Variants in ADGB observed in about 807,000 individuals in gnomAD.
The protein encoded by ADGB is calpain-7-like protein.
A neutral mutation model predicts 210.5 loss-of-function variants in ADGB; 172 were observed. The ratio of observed to expected loss-of-function variants is 0.82; its 90% CI spans 0.72 to 0.93. The LOEUF (loss-of-function observed/expected upper bound fraction) is 0.93. Among genes scored for constraint, ADGB ranks in the 40% least tolerant of loss-of-function variants. ADGB has a pLI of 0.00. For synonymous variants in ADGB, 658 were observed against 662.7 expected, an observed-to-expected ratio of 0.99 and a Z score of 0.11; for missense variants, 2,025 against 1,964.8, an observed-to-expected ratio of 1.03 and a Z score of -0.58.
In ADGB at chr6:146,603,013, G is replaced by C. The variant is rs866055017; in HGVS notation, c.74+3899G>C. 7.2e-5 allele frequency among the ~76,000 whole-genome samples: 11 copies of C among 152,220 alleles called. No homozygotes were observed. The South Asian group carries it at 1.2e-3, about 17-fold the overall frequency. On this transcript the variant is annotated intron_variant, in intron 1 of 35. Coordinates refer to ENST00000397944, the MANE Select transcript of ADGB (RefSeq NM_024694.4). ...TATCCTCACATGCTAGAGAGAGAAG[G>C]CTAGTTAGTTCTGTTACTTTTCTTA...
chr6:146,715,323 G>T, intron 13 of ADGB, 59 bp from the exon 14 acceptor site: 1 of 1,309,972 alleles, frequency 7.6e-7, no homozygotes, highest in Non-Finnish European at 1.1e-6. Flanking sequence ...AGTAACTTTG[G>T]TGCTTTGGAT....
chr6:146,724,107 T>G (rs1776860411), intron 17 of ADGB, 79 bp from the exon 18 acceptor site: 2 of 1,147,876 alleles, frequency 1.7e-6, no homozygotes, highest in South Asian at 3.5e-5. Flanking sequence ...TGTTGTTACT[T>G]AATAAAAAAA....
intron 29 of ADGB, among the ~76,000 whole-genome samples, chr6:146,773,273 T>A (rs1237946426): frequency 8.3e-6 from 1 of 120,278 alleles, no homozygotes; most frequent in Admixed American, 1.0e-4. Flanking sequence ...AGAAAAGGCA[T>A]ACATAGAGAA....
intron 26 of ADGB, among the ~76,000 whole-genome samples, chr6:146,746,313 A>G (rs945878704): frequency 6.6e-6 from 1 of 152,078 alleles, no homozygotes; most frequent in Non-Finnish European, 1.5e-5. Flanking sequence ...TGGTAGTGAG[A>G]TTTCCCTAAG....
At chr6:146,767,541 T>C (rs1314519385) in intron 28 of ADGB, among the ~76,000 whole-genome samples, 1 of 152,216 alleles carries the variant, frequency 6.6e-6, no homozygotes, top group Admixed American at 6.5e-5. Context: ...TGATCTCAGC[T>C]CACTGCAATC....
intron 1 of ADGB, among the ~76,000 whole-genome samples, chr6:146,634,429 G>C (rs574310030): frequency 6.6e-6 from 1 of 152,130 alleles, no homozygotes; most frequent in South Asian, 2.1e-4. Context: ...AGAGATTTTA[G>C]TCTGTTTTTT....
At chr6:146,674,662 C>T (rs77592785) in intron 8 of ADGB, among the ~76,000 whole-genome samples, 28 of 152,232 alleles carry the variant, frequency 1.8e-4, no homozygotes, top group Middle Eastern at 3.4e-3. Flanking sequence ...TAGATTCTCA[C>T]GGAGATTTAA....
intron 1 of ADGB, 24 bp from the exon 2 acceptor site, chr6:146,635,351 C>T: frequency 3.5e-6 from 5 of 1,412,674 alleles, no homozygotes; most frequent in Non-Finnish European, 4.6e-6. Context: ...AAACCTAACC[C>T]ACCCACTCTC....
chr6:146,614,544 G>A (rs1780762566), intron 1 of ADGB, among the ~76,000 whole-genome samples: 1 of 151,962 alleles, frequency 6.6e-6, no homozygotes, highest in African/African-American at 2.4e-5. Context: ...GTGGCTTCTT[G>A]TAATCATAAT....
At chr6:146,792,009 A>G (rs1407032988) in intron 33 of ADGB, among the ~76,000 whole-genome samples, 2 of 145,010 alleles carry the variant, frequency 1.4e-5, no homozygotes, top group Non-Finnish European at 3.0e-5. Context: ...GGCTCAAGCT[A>G]TGCTCCCACC....
In ADGB at chr6:146,749,928, C is replaced by T. The variant is rs1583621232; in HGVS notation, c.3366-2602C>T. On this transcript the variant is annotated intron_variant, in intron 26 of 35. Coordinates refer to ENST00000397944, the MANE Select transcript of ADGB (RefSeq NM_024694.4). ...AGGACAGCAAGGGGAATTCCATCCC[C>T]ATGATCCAATCACCTCCTACCAGGC... Among the ~76,000 whole-genome samples the T allele has an allele frequency of 3.3e-5, 5 of 152,224 alleles. No individual in the cohort carries two copies. In the East Asian group the frequency reaches 9.7e-4, roughly 30 times the overall value.
At chr6:146,801,310 C>A in intron 34 of ADGB, 31 bp downstream of exon 34, 1 of 1,236,410 alleles carries the variant, frequency 8.1e-7, no homozygotes, top group Non-Finnish European at 1.1e-6. Flanking sequence ...TTGATGCAGA[C>A]AACTGTGTGT....
chr6:146,769,850 C>T (rs1777626522), intron 29 of ADGB, among the ~76,000 whole-genome samples: 2 of 152,164 alleles, frequency 1.3e-5, no homozygotes, highest in Non-Finnish European at 2.9e-5. Context: ...TCCTGGGTCC[C>T]ATTAACCTGA....
intron 8 of ADGB, among the ~76,000 whole-genome samples, chr6:146,674,684 C>G (rs562216547): frequency 1.2e-4 from 19 of 152,210 alleles, no homozygotes; most frequent in African/African-American, 4.6e-4. Context: ...ATAGATGTGG[C>G]AAGGTTTGCA....
chr6:146,651,726 A>G (rs1273851317), intron 3 of ADGB, among the ~76,000 whole-genome samples: 2 of 152,134 alleles, frequency 1.3e-5, no homozygotes, highest in African/African-American at 2.4e-5. Context: ...TGCCTGGTTT[A>G]TTTCAAAAGT....
At chr6:146,793,645 G>A (rs532352745) in intron 33 of ADGB, among the ~76,000 whole-genome samples, 16 of 152,290 alleles carry the variant, frequency 1.1e-4, no homozygotes, top group African/African-American at 3.4e-4. Context: ...TACAGGGCCC[G>A]AAGGCGAGTA....
chr6:146,732,622 T>C (rs1248414998), intron 20 of ADGB, among the ~76,000 whole-genome samples: 1 of 151,918 alleles, frequency 6.6e-6, no homozygotes, highest in African/African-American at 2.4e-5. Flanking sequence ...ATTACACAAC[T>C]ATGTGACATA....
chr6:146,701,668 C>T (rs1776491680), intron 13 of ADGB, among the ~76,000 whole-genome samples: 2 of 150,852 alleles, frequency 1.3e-5, no homozygotes, highest in African/African-American at 5.0e-5. Context: ...TTTTTTAAAA[C>T]TCTAACAGGT....
At chr6:146,745,694 A>G (rs1475618961) in intron 25 of ADGB, among the ~76,000 whole-genome samples, 3 of 152,190 alleles carry the variant, frequency 2.0e-5, no homozygotes, top group Non-Finnish European at 4.4e-5. Flanking sequence ...ATAGTTAAGG[A>G]ACCACACAAA....
Sources: allele counts gnomAD v4.1 joint callset (sites outside exome capture counted in the v4.1 genomes callset), GRCh38; gene constraint gnomAD v4.1.1; transcripts MANE v1.5; gene names NCBI Gene and HGNC (gene_info 2026-07-23, HGNC 2026-07-21).